The following RAPGEF4 variants were observed in gnomAD, a reference collection of about 807,000 sequenced individuals.
RAPGEF4 encodes the protein RAP guanine-nucleotide-exchange factor (GEF) 4.
A neutral mutation model predicts 147.9 loss-of-function variants in RAPGEF4; 66 were observed. That is an observed-to-expected ratio of 0.45 (90% CI 0.37 to 0.55). The LOEUF is 0.55. Among genes scored for constraint, RAPGEF4 ranks in the 20% least tolerant of loss-of-function variants. RAPGEF4 has a pLI of 0.00. For synonymous variants in RAPGEF4, 419 were observed against 442.7 expected, an observed-to-expected ratio of 0.95 and a Z score of 0.67; for missense variants, 1,071 against 1,257.3, an observed-to-expected ratio of 0.85 and a Z score of 2.24.
intron 6 of RAPGEF4, among the ~76,000 whole-genome samples, chr2:172,939,251 A>G (rs1231435689): frequency 2.6e-5 from 4 of 152,206 alleles, no homozygotes; most frequent in Non-Finnish European, 4.4e-5. Context: ...TGTCTTCCAA[A>G]GTGGTTGTAC....
chr2:172,807,525 A>C (rs1687624557), intron 3 of RAPGEF4, among the ~76,000 whole-genome samples: 1 of 152,230 alleles, frequency 6.6e-6, no homozygotes, highest in South Asian at 2.1e-4. Context: ...TAACATCTTG[A>C]CAAATTAAGA....
In RAPGEF4 at chr2:172,988,333, G is replaced by A. The variant is rs1692482455; in HGVS notation, c.1227+61G>A. ...GCTCCACTTACTAGTGTGGCTCTAA[G>A]TATTAGCAATGTAGTGCCACAATTA... On this transcript the variant is annotated intron_variant, in intron 13 of 30. Coordinates refer to ENST00000397081, the MANE Select transcript of RAPGEF4 (RefSeq NM_007023.4). The A allele has an allele frequency of 1.5e-5, 23 of 1,548,288 alleles. 1 individual carries two copies. In the South Asian group the frequency reaches 2.5e-4, roughly 17 times the overall value.
intron 1 of RAPGEF4, among the ~76,000 whole-genome samples, chr2:172,761,391 C>T (rs1696320987): frequency 6.6e-6 from 1 of 152,232 alleles, no homozygotes; most frequent in African/African-American, 2.4e-5. Context: ...ATCTGCCCAC[C>T]TCAGCCTCCC....
intron 6 of RAPGEF4, among the ~76,000 whole-genome samples, chr2:172,930,462 A>G (rs980454233): frequency 2.6e-5 from 4 of 152,138 alleles, no homozygotes; most frequent in Admixed American, 2.6e-4. Flanking sequence ...TCTGACCTCC[A>G]GCTCCTTTTC....
At chr2:173,005,120 C>CTT (rs34276524) in intron 17 of RAPGEF4, among the ~76,000 whole-genome samples, 54 of 150,188 alleles carry the variant, frequency 3.6e-4, no homozygotes, top group African/African-American at 1.3e-3. Context: ...CGGTTTTTTT[C>CTT]TTTTTTTTTT....
At chr2:172,902,505 G>T (rs1467476226) in intron 4 of RAPGEF4, among the ~76,000 whole-genome samples, 2 of 152,012 alleles carry the variant, frequency 1.3e-5, no homozygotes, top group Non-Finnish European at 2.9e-5. Flanking sequence ...CTTTCACCAT[G>T]TTGGCCAGGC....
chr2:172,874,083 C>G (rs1022663205), intron 4 of RAPGEF4, among the ~76,000 whole-genome samples: 1 of 152,150 alleles, frequency 6.6e-6, no homozygotes. Flanking sequence ...AATAGGAACA[C>G]TTTTACACTG....
At chr2:172,798,467 C>A (rs1686620029) in intron 3 of RAPGEF4, among the ~76,000 whole-genome samples, 1 of 151,900 alleles carries the variant, frequency 6.6e-6, no homozygotes, top group Non-Finnish European at 1.5e-5. Context: ...CATCAGGTAT[C>A]ACTATGAAAA....
chr2:172,942,052 G>A (rs546227981), intron 6 of RAPGEF4, among the ~76,000 whole-genome samples: 9 of 151,580 alleles, frequency 5.9e-5, no homozygotes, highest in Admixed American at 1.3e-4. Context: ...AGATATTTAC[G>A]GAGTATGATG....
chr2:172,767,293 C>T (rs1180036226), intron 1 of RAPGEF4, among the ~76,000 whole-genome samples: 1 of 151,956 alleles, frequency 6.6e-6, no homozygotes, highest in East Asian at 1.9e-4. Flanking sequence ...ATTCTCCTGC[C>T]TCAGCTTCCC....
intron 1 of RAPGEF4, among the ~76,000 whole-genome samples, chr2:172,780,878 A>G (rs1054415365): frequency 2.6e-5 from 4 of 152,208 alleles, no homozygotes; most frequent in African/African-American, 9.6e-5. Flanking sequence ...GATATACACC[A>G]TCAAATTGCC....
intron 4 of RAPGEF4, among the ~76,000 whole-genome samples, chr2:172,871,711 G>A (rs939329742): frequency 6.7e-6 from 1 of 148,304 alleles, no homozygotes; most frequent in African/African-American, 2.5e-5. Flanking sequence ...ATAAGCAAAT[G>A]ACCAGCCAAA....
chr2:172,765,864 A>G (rs1209930269), intron 1 of RAPGEF4, among the ~76,000 whole-genome samples: 1 of 152,198 alleles, frequency 6.6e-6, no homozygotes, highest in Non-Finnish European at 1.5e-5. Flanking sequence ...GAATCTGCAT[A>G]TTGCAAAGGG....
chr2:173,036,031 C>G, intron 27 of RAPGEF4, 94 bp from the exon 28 acceptor site: 1 of 923,050 alleles, frequency 1.1e-6, no homozygotes, highest in Non-Finnish European at 1.8e-6. Flanking sequence ...TCAACTGTAC[C>G]TGATTGTGGG....
intron 1 of RAPGEF4, among the ~76,000 whole-genome samples, chr2:172,784,522 A>C (rs1685004647): frequency 6.6e-6 from 1 of 152,060 alleles, no homozygotes; most frequent in Non-Finnish European, 1.5e-5. Context: ...TTAAAAAAAA[A>C]AAAAAAAAGA....
At chr2:172,755,428 CT>C (rs2149451981) in intron 1 of RAPGEF4, among the ~76,000 whole-genome samples, 1 of 152,248 alleles carries the variant, frequency 6.6e-6, no homozygotes, top group African/African-American at 2.4e-5. Flanking sequence ...AAGTTGCACT[CT>C]TGTTGCCCAG....
At chr2:173,013,029 T>C (rs1380112993) in intron 17 of RAPGEF4, among the ~76,000 whole-genome samples, 2 of 152,258 alleles carry the variant, frequency 1.3e-5, no homozygotes, top group Non-Finnish European at 2.9e-5. Context: ...ATTGTAGCAA[T>C]ACAGGTTGAG....
chr2:172,825,270 A>T (rs916196527), intron 4 of RAPGEF4, among the ~76,000 whole-genome samples: 1 of 152,366 alleles, frequency 6.6e-6, no homozygotes, highest in African/African-American at 2.4e-5. Context: ...ATTTTATAAT[A>T]AAGTGTTGAA....
intron 6 of RAPGEF4, among the ~76,000 whole-genome samples, chr2:172,937,029 T>A (rs930319509): frequency 1.0e-5 from 1 of 100,400 alleles, no homozygotes; most frequent in Non-Finnish European, 2.0e-5. Context: ...GTGAGACTCC[T>A]CTCTCTGCAA....
Sources: allele counts gnomAD v4.1 joint callset (sites outside exome capture counted in the v4.1 genomes callset), GRCh38; gene constraint gnomAD v4.1.1; transcripts MANE v1.5; gene names NCBI Gene and HGNC (gene_info 2026-07-23, HGNC 2026-07-21).